The following ADAM12 variants were observed in gnomAD, a reference collection of about 807,000 sequenced individuals.
The protein encoded by ADAM12 is disintegrin and metalloproteinase domain-containing protein 12.
ADAM12 carries 70 observed loss-of-function variants against 106.4 expected under a neutral mutation model. That is an observed-to-expected ratio of 0.66 (90% confidence interval 0.54 to 0.80). The LOEUF (loss-of-function observed/expected upper bound fraction) is 0.80. ADAM12 is among the 30% of genes least tolerant of loss of function. The pLI is 0.00. For missense variants in ADAM12, 1,010 were observed against 1,171.9 expected (o/e 0.86, Z 2.02); for synonymous variants, 420 against 433.5 (o/e 0.97, Z 0.39).
chr10:126,123,599 C>T (rs550892583), intron 5 of ADAM12, among the ~76,000 whole-genome samples: 9 of 152,284 alleles, frequency 5.9e-5, no homozygotes, highest in East Asian at 1.9e-4. Flanking sequence ...TTCTGGGCTG[C>T]GCTCCGTACA....
chr10:126,101,356 T>C (rs1955664355), intron 8 of ADAM12, 115 bp from the exon 9 acceptor site: 1 of 1,013,610 alleles, frequency 9.9e-7, no homozygotes, highest in Non-Finnish European at 1.5e-6. Context: ...GTGAGAAAAA[T>C]ATCTCTGTGC....
chr10:126,387,620 C>A (rs1426264971), intron 1 of ADAM12, among the ~76,000 whole-genome samples: 1 of 150,638 alleles, frequency 6.6e-6, no homozygotes, highest in East Asian at 1.9e-4. Context: ...AGTGTGTTAG[C>A]GGGGGAGGCG....
intron 21 of ADAM12, among the ~76,000 whole-genome samples, chr10:126,031,455 C>T (rs777483883): frequency 2.6e-4 from 39 of 152,318 alleles, no homozygotes; most frequent in Non-Finnish European, 5.3e-4. Flanking sequence ...TCTGAACTGG[C>T]CAGCACCTGA....
chr10:126,039,047 C>T (rs1433972047), intron 19 of ADAM12, among the ~76,000 whole-genome samples: 1 of 150,478 alleles, frequency 6.6e-6, no homozygotes, highest in Non-Finnish European at 1.5e-5. Flanking sequence ...GCAAGCTCCG[C>T]CTCCCGGGTT....
chr10:126,117,642 G>C (rs1956008068), intron 6 of ADAM12, among the ~76,000 whole-genome samples: 1 of 151,850 alleles, frequency 6.6e-6, no homozygotes, highest in Non-Finnish European at 1.5e-5. Flanking sequence ...CTGCTAGAGA[G>C]TGGGTCAGGG....
At chr10:126,025,749 C>T (rs948466217) in intron 21 of ADAM12, among the ~76,000 whole-genome samples, 2 of 152,126 alleles carry the variant, frequency 1.3e-5, no homozygotes, top group Non-Finnish European at 2.9e-5. Context: ...AGGATATAAT[C>T]CAGGATAACT....
intron 3 of ADAM12, among the ~76,000 whole-genome samples, chr10:126,259,134 G>A (rs1391033196): frequency 6.6e-6 from 1 of 151,994 alleles, no homozygotes; most frequent in Non-Finnish European, 1.5e-5. Flanking sequence ...ACAACAGTAG[G>A]ATCTTGGTGG....
At chr10:126,209,098 A>T (rs1453943664) in intron 3 of ADAM12, among the ~76,000 whole-genome samples, 1 of 152,240 alleles carries the variant, frequency 6.6e-6, no homozygotes, top group Non-Finnish European at 1.5e-5. Flanking sequence ...GGAAAGAAGA[A>T]CGCTGTCAAT....
intron 20 of ADAM12, among the ~76,000 whole-genome samples, chr10:126,037,888 G>A (rs1954087252): frequency 6.6e-6 from 1 of 152,190 alleles, no homozygotes; most frequent in Admixed American, 6.5e-5. Flanking sequence ...CCATGGTGGG[G>A]CTGGCATTGG....
At chr10:126,175,354 A>C (rs1453374572) in intron 3 of ADAM12, among the ~76,000 whole-genome samples, 1 of 152,178 alleles carries the variant, frequency 6.6e-6, no homozygotes, top group East Asian at 1.9e-4. Context: ...AACCTTACAA[A>C]ATATTATTAT....
intron 3 of ADAM12, among the ~76,000 whole-genome samples, chr10:126,227,466 C>G (rs528835003): frequency 6.6e-6 from 1 of 152,268 alleles, no homozygotes; most frequent in East Asian, 1.9e-4. Context: ...CCTACATAGA[C>G]GATCTCATTG....
intron 2 of ADAM12, among the ~76,000 whole-genome samples, chr10:126,280,544 G>A (rs1451388449): frequency 6.6e-6 from 1 of 152,150 alleles, no homozygotes; most frequent in Non-Finnish European, 1.5e-5. Context: ...TGTTCTATTG[G>A]ACAGCTCTGA....
intron 2 of ADAM12, among the ~76,000 whole-genome samples, chr10:126,296,572 GACCA>G (rs1463205699): frequency 2.0e-5 from 3 of 152,194 alleles, no homozygotes; most frequent in Non-Finnish European, 2.9e-5. Context: ...CGTGGTTACA[GACCA>G]GCCTCTTTCT....
intron 3 of ADAM12, 31 bp downstream of exon 3, chr10:126,278,884 C>T: frequency 6.5e-7 from 1 of 1,532,158 alleles, no homozygotes; most frequent in East Asian, 2.3e-5. Context: ...TTAACTTTCT[C>T]CTATCATGCA....
At chr10:126,335,831 G>A (rs544181997) in intron 1 of ADAM12, among the ~76,000 whole-genome samples, 6 of 152,272 alleles carry the variant, frequency 3.9e-5, no homozygotes, top group Non-Finnish European at 8.8e-5. Context: ...GACCCTTGAC[G>A]TGATGTGATG....
intron 5 of ADAM12, among the ~76,000 whole-genome samples, chr10:126,130,288 G>GAAAGATC (rs1188990144): frequency 6.6e-6 from 1 of 151,922 alleles, no homozygotes; most frequent in Non-Finnish European, 1.5e-5. Context: ...TTCTTGACTT[G>GAAAGATC]AAAGATCATA....
chr10:126,312,152 A>C lies in ADAM12; in HGVS notation c.186+18260T>G, dbSNP rs61863883. Among the ~76,000 whole-genome samples, 11 of 138,640 alleles carry C rather than the reference A, an allele frequency of 7.9e-5. No individual in the cohort carries two copies. In the East Asian group the frequency reaches 1.2e-3, roughly 16 times the overall value. The allele number at this position is 138,640 out of a possible 152,430, so 91.0% of individuals were successfully genotyped here. On this transcript the variant is annotated intron_variant, in intron 2 of 22. Transcript: ENST00000448723. ...TGTGGAAAAAAAAAAAAAAAAAAAA[A>C]CCCACGTTTGGTGACCAGAAGTGAA... is the stretch of plus-strand genomic sequence containing the variant.
chr10:126,338,207 C>A (rs1454139686), intron 1 of ADAM12, among the ~76,000 whole-genome samples: 1 of 151,646 alleles, frequency 6.6e-6, no homozygotes, highest in Non-Finnish European at 1.5e-5. Context: ...TGGTGCCTCC[C>A]AGCTGTGGGG....
chr10:126,337,703 C>T (rs1203689226), intron 1 of ADAM12, among the ~76,000 whole-genome samples: 3 of 152,156 alleles, frequency 2.0e-5, no homozygotes, highest in South Asian at 4.1e-4. Context: ...TCCATCCAGT[C>T]AAGCTGACAC....
Sources: allele counts gnomAD v4.1 joint callset (sites outside exome capture counted in the v4.1 genomes callset), GRCh38; gene constraint gnomAD v4.1.1; transcripts MANE v1.5; gene names NCBI Gene and HGNC (gene_info 2026-07-23, HGNC 2026-07-21).